Variants in SV2C observed in about 807,000 individuals in gnomAD.
SV2C encodes the protein synaptic vesicle glycoprotein 2C, also known as solute carrier family 22 member B3.
A neutral mutation model predicts 79.7 loss-of-function variants in SV2C; 49 were observed. The observed-to-expected ratio is 0.61, with a 90% confidence interval of 0.49 to 0.78. The LOEUF (loss-of-function observed/expected upper bound fraction) is 0.78, where lower values mean the gene tolerates loss of function less well. Among genes scored for constraint, SV2C ranks in the 30% least tolerant of loss-of-function variants. The pLI, the probability that SV2C is intolerant of heterozygous loss-of-function variation, is 0.00. For missense variants in SV2C, 833 were observed against 912.9 expected (o/e 0.91, Z 1.13); for synonymous variants, 334 against 333.2 (o/e 1.00, Z -0.03).
chr5:76,173,396 T>C (rs1189041026), intron 2 of SV2C, among the ~76,000 whole-genome samples: 1 of 152,202 alleles, frequency 6.6e-6, no homozygotes, highest in Non-Finnish European at 1.5e-5. Flanking sequence ...GCCTCTGGTT[T>C]TACCAGCTGC....
At chr5:76,173,979 C>T in intron 2 of SV2C, 2 of 1,556,194 alleles carry the variant, frequency 1.3e-6, no homozygotes, top group South Asian at 1.1e-5. Context: ...ATGTATAAAT[C>T]CCTCATTGCT....
At chr5:76,336,143 C>G (rs1486669335), downstream of SV2C, among the ~76,000 whole-genome samples, 1 of 132,814 alleles carries the variant, frequency 7.5e-6, no homozygotes, top group East Asian at 2.1e-4. Flanking sequence ...GCTGGCCTGG[C>G]GGGGGCTGAC....
chr5:76,091,308 G>T (rs1264346802), intron 1 of SV2C, among the ~76,000 whole-genome samples: 1 of 152,210 alleles, frequency 6.6e-6, no homozygotes, highest in East Asian at 1.9e-4. Context: ...CACTTCTGTG[G>T]TTCTCGTCTG....
rs189400720 is a variant in SV2C at position 76,288,849 on chromosome 5, A to C, written c.1138-2372A>C. ...TAAATCCACGGTACAGCAAAGTTGC[A>C]TGCATTTTCCTAAGGTCTCCTTTTC... On this transcript the variant is annotated intron_variant, in intron 6 of 12. Coordinates refer to ENST00000502798, the MANE Select transcript of SV2C (RefSeq NM_014979.4). Among the ~76,000 whole-genome samples, 294 of 151,316 alleles carry C rather than the reference A, an allele frequency of 1.9e-3. 1 individual carries two copies. The highest frequency in any genetic ancestry group is 6.9e-3 in the African/African-American group (285 of 41,360).
the SV2C span, among the ~76,000 whole-genome samples, chr5:75,884,376 G>A: frequency 6.6e-6 from 1 of 152,256 alleles, no homozygotes; most frequent in African/African-American, 2.4e-5. Context: ...ATTAGAGACT[G>A]TTTTAACTCC....
At position 76,112,504 on chromosome 5, in the gene SV2C, G is replaced by C. The variant is rs1299292607; in HGVS notation, c.-101-19146G>C. On this transcript the variant is annotated intron_variant, in intron 1 of 12. Transcript: ENST00000502798. ...GCCTTGTGCGCCAAGGGGATGGGGG[G>C]GAGGACCCTGAAGGTTTTCAGTAGG... 5.3e-5 allele frequency among the ~76,000 whole-genome samples: 8 copies of C among 152,288 alleles called. No homozygotes were observed. The East Asian group carries it at 1.5e-3, about 29-fold the overall frequency.
the SV2C span, among the ~76,000 whole-genome samples, chr5:75,851,520 T>A: frequency 6.6e-6 from 1 of 152,244 alleles, no homozygotes; most frequent in East Asian, 1.9e-4. Flanking sequence ...ACAATTCATA[T>A]GTACCCATGG....
chr5:76,185,129 C>A (rs1428202034), intron 2 of SV2C, among the ~76,000 whole-genome samples: 1 of 152,216 alleles, frequency 6.6e-6, no homozygotes, highest in Non-Finnish European at 1.5e-5. Flanking sequence ...CCTTAACATT[C>A]CAAAATGATT....
At chr5:75,970,426 G>T in the SV2C span, among the ~76,000 whole-genome samples, 1 of 152,002 alleles carries the variant, frequency 6.6e-6, no homozygotes. Context: ...TAGACTGCTA[G>T]CAAGACTAAT....
chr5:76,305,070 A>T (rs1345171350), intron 12 of SV2C, among the ~76,000 whole-genome samples: 1 of 152,158 alleles, frequency 6.6e-6, no homozygotes, highest in Non-Finnish European at 1.5e-5. Flanking sequence ...AAGAGAGCTC[A>T]AGGGGAGGTG....
intron 4 of SV2C, among the ~76,000 whole-genome samples, chr5:76,243,354 T>TA (rs1745853962): frequency 6.6e-6 from 1 of 152,162 alleles, no homozygotes; most frequent in Non-Finnish European, 1.5e-5. Context: ...TTGAGGGGAT[T>TA]TTATTTCCTG....
chr5:76,272,898 A>G (rs1308755065), intron 4 of SV2C, among the ~76,000 whole-genome samples: 3 of 152,026 alleles, frequency 2.0e-5, no homozygotes, highest in Non-Finnish European at 2.9e-5. Flanking sequence ...ATAATAGTTT[A>G]TATATAAATA....
At chr5:75,940,948 G>GTAAAACT in the SV2C span, among the ~76,000 whole-genome samples, 1 of 152,154 alleles carries the variant, frequency 6.6e-6, no homozygotes, top group East Asian at 1.9e-4. Flanking sequence ...CTACCCACAT[G>GTAAAACT]TAAAACTTAA....
chr5:75,855,616 T>A, the SV2C span, among the ~76,000 whole-genome samples: 1 of 152,202 alleles, frequency 6.6e-6, no homozygotes, highest in Non-Finnish European at 1.5e-5. Flanking sequence ...TTATTATATC[T>A]GATATGATGA....
chr5:75,955,005 A>G, the SV2C span, among the ~76,000 whole-genome samples: 58 of 148,130 alleles, frequency 3.9e-4, 1 homozygote, highest in South Asian at 9.1e-3. Flanking sequence ...ATCCCCATCA[A>G]GCTACCAATG....
chr5:76,002,317 C>T, the SV2C span, among the ~76,000 whole-genome samples: 1 of 152,040 alleles, frequency 6.6e-6, no homozygotes, highest in Non-Finnish European at 1.5e-5. Context: ...AGTCATGAAC[C>T]TTCCAGATTG....
intron 1 of SV2C, among the ~76,000 whole-genome samples, chr5:76,103,320 A>C (rs1381265969): frequency 1.3e-5 from 2 of 152,212 alleles, no homozygotes; most frequent in Non-Finnish European, 2.9e-5. Flanking sequence ...ACTGTAGTAA[A>C]TAGCGTTGTT....
At chr5:75,881,876 A>T in the SV2C span, among the ~76,000 whole-genome samples, 8 of 146,678 alleles carry the variant, frequency 5.5e-5, no homozygotes, top group African/African-American at 2.1e-4. Context: ...GTCTTGTGCC[A>T]GTTTTCAAAG....
At chr5:76,044,142 C>G in the SV2C span, among the ~76,000 whole-genome samples, 2 of 152,240 alleles carry the variant, frequency 1.3e-5, no homozygotes, top group South Asian at 4.1e-4. Flanking sequence ...CTCCCACTTA[C>G]AAGTGAGAAC....
Sources: allele counts gnomAD v4.1 joint callset (sites outside exome capture counted in the v4.1 genomes callset), GRCh38; gene constraint gnomAD v4.1.1; transcripts MANE v1.5; gene names NCBI Gene and HGNC (gene_info 2026-07-23, HGNC 2026-07-21).